Variants in EPCAM observed in about 807,000 individuals in gnomAD.
EPCAM encodes the protein adenocarcinoma-associated antigen.
Under a neutral mutation model 40.0 loss-of-function variants are expected in EPCAM, and 39 were observed. That is an observed-to-expected ratio of 0.98 (90% CI 0.76 to 1.27). The LOEUF is 1.27. EPCAM is among the 50% of genes most tolerant of loss of function. The pLI is 0.00. For missense variants in EPCAM, 503 were observed against 381.2 expected, an observed-to-expected ratio of 1.32 and a Z score of -2.66; for synonymous variants, 168 against 132.3, an observed-to-expected ratio of 1.27 and a Z score of -1.85.
intron 6 of EPCAM, 30 bp downstream of exon 6, chr2:47,379,084 C>T (rs1055834228): frequency 8.7e-7 from 1 of 1,148,598 alleles, no homozygotes; most frequent in Non-Finnish European, 1.3e-6. Flanking sequence ...TTCCTGTGTT[C>T]AGGAATGTAG....
rs1472309018 is a variant in EPCAM, at chr2:47,369,448, A to T, written c.-58A>T. The T allele has an allele frequency of 7.3e-7, 1 of 1,363,418 alleles. No homozygotes were observed. The highest frequency in any genetic ancestry group is 1.6e-5 in the African/African-American group (1 of 63,936). 84.5% of individuals were successfully genotyped at this position (1,363,418 alleles called of 1,614,324 possible). A position where few individuals can be genotyped will look rare whatever the true frequency, so the allele number is the denominator to read the frequency against. On this transcript the variant is annotated 5_prime_UTR_variant, in exon 1 of 9. Transcript: ENST00000263735. ...GCTCCTCGTGTCCCACTCCCGGCGC[A>T]CGCCCTCCCGCGAGTCCCGGGCCCC...
chr2:47,374,911 A>T (rs1671382108), intron 3 of EPCAM, among the ~76,000 whole-genome samples: 1 of 152,134 alleles, frequency 6.6e-6, no homozygotes, highest in Non-Finnish European at 1.5e-5. Context: ...GTGTTGGATT[A>T]CAGTTGTGAG....
rs532872105 is a variant in EPCAM, at chr2:47,369,514, C to G, written c.9C>G (p.Pro3=). 1 of 1,559,370 alleles carries G rather than the reference C, an allele frequency of 6.4e-7. No individual in the cohort carries two copies. Among genetic ancestry groups the G allele is most frequent in the Non-Finnish European group, 8.6e-7 (1 of 1,158,956 alleles). ...CTCGGCGCGCGCGCAGCATGGCGCCCCCGCAGGTCCTCGCGTTCGGGCTTC... is the reference window on the plus strand; with the variant it reads ...CTCGGCGCGCGCGCAGCATGGCGCCGCCGCAGGTCCTCGCGTTCGGGCTTC... MA[P]PQVLAFGLLL... Residue 3 remains proline (P), a synonymous_variant, in exon 1 of 9, where the codon CCC becomes CCG. Transcript: ENST00000263735.
intron 6 of EPCAM, 44 bp downstream of exon 6, chr2:47,379,098 A>G (rs539004467): frequency 3.0e-5 from 30 of 1,000,292 alleles, no homozygotes; most frequent in African/African-American, 2.4e-4. Flanking sequence ...AATGTAGTCT[A>G]TCATGCCTCA....
At chr2:47,370,726 T>A (rs900951534) in intron 1 of EPCAM, among the ~76,000 whole-genome samples, 2 of 138,788 alleles carry the variant, frequency 1.4e-5, no homozygotes, top group African/African-American at 3.4e-5. Context: ...ATTTATTATT[T>A]ATTATTATTA....
At chr2:47,386,420 C>G (rs1671743633) in intron 8 of EPCAM, 152 bp from the exon 9 acceptor site, 1 of 603,794 alleles carries the variant, frequency 1.7e-6, no homozygotes, top group African/African-American at 1.9e-5. Context: ...TGCAATATAA[C>G]TTTTTCTTTT....
Position 47,369,465 on chromosome 2 carries a change from C to T in EPCAM, c.-41C>T, listed in dbSNP as rs1290507543. ...CCCGGCGCACGCCCTCCCGCGAGTC[C>T]CGGGCCCCTCCCGCGCCCCTCTTCT... is the stretch of plus-strand genomic sequence containing the variant. On this transcript the variant is annotated 5_prime_UTR_variant, in exon 1 of 9. Transcript: ENST00000263735. 7 of 1,446,988 alleles carry T rather than the reference C, an allele frequency of 4.8e-6. No individual in the cohort carries two copies. The highest frequency in any genetic ancestry group is 5.5e-5 in the East Asian group (2 of 36,226). 89.6% of individuals were successfully genotyped at this position (1,446,988 alleles called of 1,614,324 possible). A position where few individuals can be genotyped will look rare whatever the true frequency, so the allele number is the denominator to read the frequency against.
At chr2:47,385,502 G>A (rs1369498836) in intron 8 of EPCAM, among the ~76,000 whole-genome samples, 1 of 152,166 alleles carries the variant, frequency 6.6e-6, no homozygotes. Flanking sequence ...ATACTCCAGT[G>A]GATTCACCTT....
chr2:47,376,239 G>A (rs1311246099), intron 4 of EPCAM, among the ~76,000 whole-genome samples: 2 of 145,612 alleles, frequency 1.4e-5, no homozygotes, highest in Admixed American at 1.4e-4. Context: ...ATTTTGATTT[G>A]TCTGATATTT....
rs1051432084 is a variant in EPCAM at position 47,369,328 on chromosome 2, C to G, written c.-178C>G. 1 of 1,327,042 alleles carries G rather than the reference C, an allele frequency of 7.5e-7. No individual in the cohort carries two copies. Among genetic ancestry groups the G allele is most frequent in the Admixed American group, 3.9e-5 (1 of 25,644 alleles). 82.2% of individuals were successfully genotyped at this position (1,327,042 alleles called of 1,614,324 possible). ...CCGCGCGCACAGAGCGCTAGTCCTT[C>G]GGCGAGCGAGCACCTTCGACGCGGT... On this transcript the variant is annotated 5_prime_UTR_variant, in exon 1 of 9. Coordinates refer to ENST00000263735, the MANE Select transcript of EPCAM (RefSeq NM_002354.3).
intron 5 of EPCAM, among the ~76,000 whole-genome samples, chr2:47,378,302 T>TTC: frequency 6.8e-6 from 1 of 147,170 alleles, no homozygotes; most frequent in African/African-American, 2.5e-5. Context: ...TTCTTTTCTT[T>TTC]TTTTTTTTTT....
At chr2:47,386,436 TTAAA>T in intron 8 of EPCAM, 132 bp from the exon 9 acceptor site, 1 of 638,500 alleles carries the variant, frequency 1.6e-6, no homozygotes, top group South Asian at 2.5e-5. Flanking sequence ...CTTTTTTTAT[TTAAA>T]TAAGTCTTAT....
intron 1 of EPCAM, among the ~76,000 whole-genome samples, chr2:47,370,436 C>G: frequency 6.6e-6 from 1 of 151,688 alleles, no homozygotes; most frequent in East Asian, 2.0e-4. Context: ...GCCACCACCC[C>G]CCGCTAATTT....
intron 5 of EPCAM, 117 bp downstream of exon 5, chr2:47,377,194 C>G (rs1671449919): frequency 2.6e-6 from 2 of 774,602 alleles, no homozygotes; most frequent in African/African-American, 3.4e-5. Context: ...GCAACAGTTT[C>G]GGATCTGGGT....
Position 47,375,247 on chromosome 2 carries a change from G to T in EPCAM, c.439G>T (p.Glu147Ter), listed in dbSNP as rs987919056. The T allele has an allele frequency of 1.2e-6, 2 of 1,610,184 alleles. No homozygotes were observed. Among genetic ancestry groups the T allele is most frequent in the South Asian group, 2.2e-5 (2 of 90,936 alleles). The change falls in exon 4 of 9, where the codon GAA becomes TAA. Residue 147 changes from glutamate to a stop codon, truncating the protein, a stop_gained. Coordinates refer to ENST00000263735, the MANE Select transcript of EPCAM (RefSeq NM_002354.3). LOFTEE classifies it high-confidence loss of function. ...ERVRTYWIIIELKHKAREKPY... is the reference protein window; with the variant it reads ...ERVRTYWIII ...TTTACTTTATAGCTGGATCATCATT[G>T]AACTAAAACACAAAGCAAGAGAAAA... is the stretch of plus-strand genomic sequence containing the variant.
chr2:47,369,731 G>T, intron 1 of EPCAM, 150 bp downstream of exon 1: 1 of 853,104 alleles, frequency 1.2e-6, no homozygotes, highest in South Asian at 1.4e-5. Context: ...GCCGTGCTCC[G>T]GCTCAGGCCC....
chr2:47,373,209 A>T (rs1181756895), intron 1 of EPCAM, among the ~76,000 whole-genome samples: 2 of 135,438 alleles, frequency 1.5e-5, no homozygotes, highest in African/African-American at 3.1e-5. Context: ...TATCTTTAAA[A>T]AAAAAAAAAA....
chr2:47,377,434 G>T (rs1671456055), intron 5 of EPCAM, among the ~76,000 whole-genome samples: 1 of 151,760 alleles, frequency 6.6e-6, no homozygotes, highest in African/African-American at 2.4e-5. Context: ...GCGGGGTTTT[G>T]CTATGTTGGC....
intron 3 of EPCAM, 148 bp downstream of exon 3, chr2:47,374,196 C>G (rs549029964): frequency 4.8e-5 from 43 of 896,938 alleles, no homozygotes; most frequent in East Asian, 4.7e-4. Context: ...TCCAGTCCCC[C>G]TCGCTACCCA....
Sources: allele counts gnomAD v4.1 joint callset (sites outside exome capture counted in the v4.1 genomes callset), GRCh38; gene constraint gnomAD v4.1.1; transcripts MANE v1.5; gene names NCBI Gene and HGNC (gene_info 2026-07-23, HGNC 2026-07-21).